EXOC4: variants seen among roughly 807,000 people sequenced by gnomAD.
EXOC4 encodes the protein SEC8-like 1.
A neutral mutation model predicts 107.2 loss-of-function variants in EXOC4; 71 were observed. The ratio of observed to expected loss-of-function variants is 0.66; its 90% CI spans 0.55 to 0.81. The LOEUF (loss-of-function observed/expected upper bound fraction) is 0.81, where lower values mean the gene tolerates loss of function less well. Among genes scored for constraint, EXOC4 ranks in the 30% least tolerant of loss-of-function variants. The pLI, the probability that EXOC4 is intolerant of heterozygous loss-of-function variation, is 0.00. For missense variants in EXOC4, 1,108 were observed against 1,189.6 expected, an observed-to-expected ratio of 0.93 and a Z score of 1.01; for synonymous variants, 456 against 441.2, an observed-to-expected ratio of 1.03 and a Z score of -0.42.
At chr7:133,478,566 G>T (rs192370672) in intron 8 of EXOC4, among the ~76,000 whole-genome samples, 2 of 152,106 alleles carry the variant, frequency 1.3e-5, no homozygotes, top group Admixed American at 1.3e-4. Context: ...ATATCAGTCT[G>T]TGACTTGTTG....
At chr7:133,476,049 A>G (rs1029146279) in intron 8 of EXOC4, among the ~76,000 whole-genome samples, 5 of 152,138 alleles carry the variant, frequency 3.3e-5, no homozygotes, top group Non-Finnish European at 5.9e-5. Context: ...ACCACTGATT[A>G]AGTGTTTCCT....
intron 10 of EXOC4, among the ~76,000 whole-genome samples, chr7:133,813,159 A>C (rs1797276649): frequency 6.6e-6 from 1 of 152,144 alleles, no homozygotes; most frequent in Non-Finnish European, 1.5e-5. Flanking sequence ...AATTTGAAAG[A>C]AATCACTCAG....
In EXOC4 at chr7:133,655,304, A is replaced by G. The variant is rs139474116; in HGVS notation, c.1514+25163A>G. 4.8e-3 allele frequency among the ~76,000 whole-genome samples: 733 copies of G among 152,236 alleles called. 3 individuals are homozygous for G. The highest frequency in any genetic ancestry group is 0.017 in the African/African-American group (690 of 41,554). On this transcript the variant is annotated intron_variant, in intron 10 of 17. Coordinates refer to ENST00000253861, the MANE Select transcript of EXOC4 (RefSeq NM_021807.4). ...ATGATTAAATTAGGGTAGTTAGCATATCTATCACCCCAAACCTTTGTCATT... is the reference window on the plus strand; with the variant it reads ...ATGATTAAATTAGGGTAGTTAGCATGTCTATCACCCCAAACCTTTGTCATT...
chr7:133,624,068 TAGAA>T (rs1057491974), intron 9 of EXOC4, among the ~76,000 whole-genome samples: 3 of 152,252 alleles, frequency 2.0e-5, no homozygotes, highest in Non-Finnish European at 2.9e-5. Context: ...TCATAATCCT[TAGAA>T]AGTAGTTATG....
intron 14 of EXOC4, among the ~76,000 whole-genome samples, chr7:133,990,812 C>G (rs369750325): frequency 1.3e-5 from 2 of 152,240 alleles, no homozygotes; most frequent in African/African-American, 4.8e-5. Context: ...ACCACATTTT[C>G]TTCCACCATT....
intron 12 of EXOC4, among the ~76,000 whole-genome samples, chr7:133,900,986 C>T (rs1199380195): frequency 6.6e-6 from 1 of 152,278 alleles, no homozygotes; most frequent in South Asian, 2.1e-4. Flanking sequence ...TCTCCTGCCT[C>T]AGCCTCCCAA....
At chr7:133,728,428 A>C (rs57502019) in intron 10 of EXOC4, among the ~76,000 whole-genome samples, 4 of 152,362 alleles carry the variant, frequency 2.6e-5, no homozygotes, top group African/African-American at 9.6e-5. Context: ...AGAACTGTAG[A>C]TAACATTGAG....
intron 4 of EXOC4, among the ~76,000 whole-genome samples, chr7:133,313,142 G>GTTT (rs79182987): frequency 7.6e-6 from 1 of 131,570 alleles, no homozygotes; most frequent in African/African-American, 2.8e-5. Context: ...TTCAGTTCTT[G>GTTT]TTTTTTTTTT....
intron 10 of EXOC4, among the ~76,000 whole-genome samples, chr7:133,718,319 C>T (rs1197854772): frequency 1.3e-5 from 2 of 152,116 alleles, no homozygotes; most frequent in African/African-American, 4.8e-5. Flanking sequence ...CTACTTAGGA[C>T]CAAGCAGTTC....
chr7:134,051,275 G>A (rs967370946), intron 17 of EXOC4, among the ~76,000 whole-genome samples: 3 of 152,156 alleles, frequency 2.0e-5, no homozygotes, highest in African/African-American at 7.2e-5. Context: ...AAGAATGGAG[G>A]GCCCCCACCT....
chr7:133,382,729 A>G (rs1012284584), intron 7 of EXOC4, among the ~76,000 whole-genome samples: 3 of 152,208 alleles, frequency 2.0e-5, no homozygotes, highest in Middle Eastern at 3.2e-3. Flanking sequence ...TCCTGCTGAA[A>G]AGTTGAAATG....
intron 7 of EXOC4, among the ~76,000 whole-genome samples, chr7:133,464,844 G>A (rs1480854245): frequency 2.5e-5 from 2 of 78,924 alleles, no homozygotes; most frequent in African/African-American, 9.6e-5. Context: ...TTTGGAGTTA[G>A]GGTCTCACTC....
At chr7:133,536,006 G>T (rs1280499382) in intron 9 of EXOC4, among the ~76,000 whole-genome samples, 1 of 152,168 alleles carries the variant, frequency 6.6e-6, no homozygotes, top group Non-Finnish European at 1.5e-5. Flanking sequence ...AGTAGTTTTT[G>T]TTCAGAAATG....
the EXOC4 span, among the ~76,000 whole-genome samples, chr7:134,088,409 A>T: frequency 6.6e-6 from 1 of 152,224 alleles, no homozygotes; most frequent in South Asian, 2.1e-4. Flanking sequence ...TCATAGGAGT[A>T]TACTTTACCT....
At chr7:133,343,226 G>C (rs999801602) in intron 5 of EXOC4, among the ~76,000 whole-genome samples, 4 of 152,070 alleles carry the variant, frequency 2.6e-5, no homozygotes, top group African/African-American at 9.7e-5. Flanking sequence ...CCCTTGATGT[G>C]GTGCTCTCCC....
In EXOC4 at chr7:133,431,159, A is replaced by G. The variant is rs1352411445; in HGVS notation, c.1183-44169A>G. On this transcript the variant is annotated intron_variant, in intron 7 of 17. Transcript: ENST00000253861. ...ATTTCCTTGCCAAATTCTTGCCTTC[A>G]AAGTCATCTTGAATTCACTGTTCTT... Among the ~76,000 whole-genome samples, 3 of 152,232 alleles carry G rather than the reference A, an allele frequency of 2.0e-5. No homozygotes were observed. The East Asian group carries it at 5.8e-4, about 29-fold the overall frequency.
rs187490401 is a variant in EXOC4, at chr7:134,031,634, A to G, written c.2687+23799A>G. 4.0e-3 allele frequency among the ~76,000 whole-genome samples: 608 copies of G among 152,304 alleles called. 5 individuals carry two copies. Among genetic ancestry groups the G allele is most frequent in the African/African-American group, 0.014 (576 of 41,564 alleles). On this transcript the variant is annotated intron_variant, in intron 17 of 17. Coordinates refer to ENST00000253861, the MANE Select transcript of EXOC4 (RefSeq NM_021807.4). Reference sequence around the variant, plus strand: ...AGTTCAGAATCTGACACCTCCATCCAGCTGGAAGAAGACTTGCTTATGCTA... The same window carrying G: ...AGTTCAGAATCTGACACCTCCATCCGGCTGGAAGAAGACTTGCTTATGCTA...
intron 17 of EXOC4, among the ~76,000 whole-genome samples, chr7:134,060,855 AT>A (rs34447937): frequency 3.9e-5 from 6 of 152,078 alleles, no homozygotes; most frequent in Non-Finnish European, 8.8e-5. Context: ...TTATGGAGGA[AT>A]TTTTTCTCTC....
At chr7:133,271,102 T>G (rs1793859573) in intron 1 of EXOC4, among the ~76,000 whole-genome samples, 1 of 152,020 alleles carries the variant, frequency 6.6e-6, no homozygotes, top group Non-Finnish European at 1.5e-5. Flanking sequence ...ATATTTTTAG[T>G]AGAGACAGGG....
Sources: allele counts gnomAD v4.1 joint callset (sites outside exome capture counted in the v4.1 genomes callset), GRCh38; gene constraint gnomAD v4.1.1; transcripts MANE v1.5; gene names NCBI Gene and HGNC (gene_info 2026-07-23, HGNC 2026-07-21).